Variants in STAG1 observed in about 807,000 individuals in gnomAD.
STAG1 encodes the protein cohesin subunit SA-1.
STAG1 carries 26 observed loss-of-function variants against 170.9 expected under a neutral mutation model. The ratio of observed to expected loss-of-function variants is 0.15; its 90% CI spans 0.11 to 0.21. The LOEUF is 0.21. STAG1 is among the 10% of genes least tolerant of loss of function. The pLI, the probability that STAG1 is intolerant of heterozygous loss-of-function variation, is 1.00. For synonymous variants in STAG1, 514 were observed against 497.7 expected (o/e 1.03, Z -0.44); for missense variants, 964 against 1,509.5 (o/e 0.64, Z 5.99).
At chr3:136,374,544 G>A (rs1162222203) in intron 23 of STAG1, among the ~76,000 whole-genome samples, 1 of 152,004 alleles carries the variant, frequency 6.6e-6, no homozygotes, top group Non-Finnish European at 1.5e-5. Flanking sequence ...TTGAACCTGG[G>A]AGGTGGAGGT....
chr3:136,675,721 C>T (rs1576749865), intron 1 of STAG1, among the ~76,000 whole-genome samples: 1 of 152,182 alleles, frequency 6.6e-6, no homozygotes, highest in South Asian at 2.1e-4. Context: ...CCCACCCCTA[C>T]TCCCTGACAA....
In STAG1 at chr3:136,463,735, ATGTGTGTGTGTGTGTGTGTGTGTGTG is replaced by A. The variant is rs140989476; in HGVS notation, c.1313+1120_1313+1145del. Among the ~76,000 whole-genome samples the A allele has an allele frequency of 5.9e-5, 6 of 101,222 alleles. No homozygotes were observed. In the East Asian group the frequency reaches 2.7e-3, roughly 46 times the overall value. 66.4% of individuals were successfully genotyped at this position (101,222 alleles called of 152,430 possible). A position where few individuals can be genotyped will look rare whatever the true frequency, so the allele number is the denominator to read the frequency against. Reference sequence around the variant, plus strand: ...TCTCTAAAAAAAAAAAAATGTGTATATGTGTGTGTGTGTGTGTGTGTGTGTGTGTGTGTATACACACACACACACAC... The same window carrying A: ...TCTCTAAAAAAAAAAAAATGTGTATATGTGTGTATACACACACACACACAC... On this transcript the variant is annotated intron_variant, in intron 13 of 33. Transcript: ENST00000383202.
Position 136,536,101 on chromosome 3 carries a change from T to C in STAG1, c.471+6018A>G, listed in dbSNP as rs368055747. 2.6e-5 allele frequency among the ~76,000 whole-genome samples: 4 copies of C among 152,204 alleles called. No homozygotes were observed. The East Asian group carries it at 5.8e-4, about 22-fold the overall frequency. On this transcript the variant is annotated intron_variant, in intron 6 of 33. Coordinates refer to ENST00000383202, the MANE Select transcript of STAG1 (RefSeq NM_005862.3). ...AGATAGTATTTCATCTAGTAACCAC[T>C]GACATAAATGTTATTGTTGGAATAT... is the stretch of plus-strand genomic sequence containing the variant.
chr3:136,350,207 A>T (rs1936384546), intron 28 of STAG1, among the ~76,000 whole-genome samples: 1 of 151,844 alleles, frequency 6.6e-6, no homozygotes, highest in Non-Finnish European at 1.5e-5. Flanking sequence ...TTGATCCACA[A>T]CCTGTTCCCT....
intron 4 of STAG1, among the ~76,000 whole-genome samples, chr3:136,602,711 C>T (rs1428225106): frequency 6.6e-6 from 1 of 151,856 alleles, no homozygotes; most frequent in Non-Finnish European, 1.5e-5. Context: ...ATTAGCTGGG[C>T]GTGCTGGCAC....
At chr3:136,632,304 T>G (rs1940362467) in intron 1 of STAG1, among the ~76,000 whole-genome samples, 1 of 152,122 alleles carries the variant, frequency 6.6e-6, no homozygotes, top group Non-Finnish European at 1.5e-5. Flanking sequence ...CTAATAAAAC[T>G]TACAAAGAGA....
intron 8 of STAG1, 52 bp from the exon 9 acceptor site, chr3:136,500,348 G>A: frequency 8.1e-7 from 1 of 1,236,548 alleles, no homozygotes. Context: ...TTATTTGGAA[G>A]GAACAGCTCC....
At chr3:136,624,469 T>A (rs1259235909) in intron 2 of STAG1, among the ~76,000 whole-genome samples, 1 of 152,228 alleles carries the variant, frequency 6.6e-6, no homozygotes, top group African/African-American at 2.4e-5. Flanking sequence ...AGGTGGTTTC[T>A]ATTTTTGTTC....
chr3:136,665,918 A>AT (rs1941748889), intron 1 of STAG1, among the ~76,000 whole-genome samples: 1 of 151,000 alleles, frequency 6.6e-6, no homozygotes, highest in African/African-American at 2.4e-5. Flanking sequence ...CACTAAAAAT[A>AT]CAAAAAATTA....
At chr3:136,579,958 A>ATTTTTTTTTTTTTTTTTTTTTTTTTT (rs749325884) in intron 4 of STAG1, among the ~76,000 whole-genome samples, 5 of 73,646 alleles carry the variant, frequency 6.8e-5, no homozygotes, top group Non-Finnish European at 9.7e-5. Context: ...TACCATCTGA[A>ATTTTTTTTTTTTTTTTTTTTTTTTTT]TTTTTTTTTT....
intron 1 of STAG1, among the ~76,000 whole-genome samples, chr3:136,748,423 G>A (rs1386689737): frequency 6.6e-6 from 1 of 151,790 alleles, no homozygotes; most frequent in Admixed American, 6.6e-5. Context: ...CTGAGACGGG[G>A]TCTCACTCTG....
At position 136,338,014 on chromosome 3, in the gene STAG1, T is replaced by A; in HGVS notation, c.*240A>T. ...ACACACACATCTGTATTGGGATAAG[T>A]CCAATAGTAGGACACAAATGATTTT... On this transcript the variant is annotated 3_prime_UTR_variant, in exon 34 of 34. Transcript: ENST00000383202. The A allele has an allele frequency of 2.0e-6, 1 of 503,818 alleles. No homozygotes were observed. The allele number at this position is 503,818 out of a possible 1,614,324, so 31.2% of individuals were successfully genotyped here. A position where few individuals can be genotyped will look rare whatever the true frequency, so the allele number is the denominator to read the frequency against.
intron 22 of STAG1, among the ~76,000 whole-genome samples, chr3:136,391,348 T>C (rs1333054922): frequency 6.7e-6 from 1 of 148,624 alleles, no homozygotes; most frequent in Non-Finnish European, 1.5e-5. Context: ...AAGAAAGTAA[T>C]AGGGCATTAC....
At chr3:136,602,259 G>C (rs1304490536) in intron 4 of STAG1, among the ~76,000 whole-genome samples, 1 of 151,532 alleles carries the variant, frequency 6.6e-6, no homozygotes, top group Non-Finnish European at 1.5e-5. Flanking sequence ...TGTGCCTGTA[G>C]TCCCAGCTAC....
At chr3:136,372,386 C>G (rs541063822) in intron 23 of STAG1, among the ~76,000 whole-genome samples, 1 of 152,208 alleles carries the variant, frequency 6.6e-6, no homozygotes, top group Admixed American at 6.6e-5. Context: ...CAACACTATA[C>G]TGAATAGGAG....
At chr3:136,550,845 A>T (rs1416898883) in intron 5 of STAG1, among the ~76,000 whole-genome samples, 1 of 152,150 alleles carries the variant, frequency 6.6e-6, no homozygotes, top group Non-Finnish European at 1.5e-5. Flanking sequence ...ATTTTATACA[A>T]TGTCTTTCGA....
chr3:136,449,814 A>C (rs1224379128), intron 14 of STAG1, among the ~76,000 whole-genome samples: 1 of 152,174 alleles, frequency 6.6e-6, no homozygotes, highest in Non-Finnish European at 1.5e-5. Context: ...TTTAATGAAT[A>C]ATCAAAGTCA....
intron 21 of STAG1, among the ~76,000 whole-genome samples, chr3:136,409,382 G>T (rs2087565423): frequency 6.6e-6 from 1 of 151,952 alleles, no homozygotes; most frequent in Non-Finnish European, 1.5e-5. Context: ...TCTCATCCAG[G>T]ATGGAGTGCA....
chr3:136,581,019 G>C (rs1301199223), intron 4 of STAG1, among the ~76,000 whole-genome samples: 2 of 151,688 alleles, frequency 1.3e-5, no homozygotes, highest in Non-Finnish European at 2.9e-5. Context: ...AGTATCAGGA[G>C]AACAAAAATT....
Sources: gnomAD v4.1 joint callset for allele counts (sites outside exome capture counted in the v4.1 genomes callset) on GRCh38, gnomAD v4.1.1 for gene constraint, MANE v1.5 for transcripts, NCBI Gene and HGNC (gene_info 2026-07-23, HGNC 2026-07-21) for gene names.